NAP1L4: variants seen among roughly 807,000 people sequenced by gnomAD.
The protein encoded by NAP1L4 is nucleosome assembly protein 1-like 4.
In NAP1L4, 15 loss-of-function variants were observed where a neutral mutation model predicts 58.2. That is an observed-to-expected ratio of 0.26 (90% confidence interval 0.17 to 0.40). The LOEUF (loss-of-function observed/expected upper bound fraction) is 0.40, where lower values mean the gene tolerates loss of function less well. Among genes scored for constraint, NAP1L4 ranks in the 10% least tolerant of loss-of-function variants. The pLI is 1.00. For synonymous variants in NAP1L4, 171 were observed against 155.6 expected (o/e 1.10, Z -0.74); for missense variants, 384 against 451.1 (o/e 0.85, Z 1.35).
At chr11:2,985,814 T>C (rs746600547) in intron 1 of NAP1L4, among the ~76,000 whole-genome samples, 1 of 152,228 alleles carries the variant, frequency 6.6e-6, no homozygotes, top group Non-Finnish European at 1.5e-5. Flanking sequence ...ACTTTAACTG[T>C]GTCTACAATT....
chr11:2,963,522 C>T (rs1333219318), intron 8 of NAP1L4, among the ~76,000 whole-genome samples: 1 of 152,196 alleles, frequency 6.6e-6, no homozygotes, highest in Non-Finnish European at 1.5e-5. Flanking sequence ...ATGTCACCTT[C>T]CATAGTGGAA....
chr11:2,969,194 C>T (rs1847483177), intron 7 of NAP1L4, among the ~76,000 whole-genome samples: 1 of 151,942 alleles, frequency 6.6e-6, no homozygotes, highest in Non-Finnish European at 1.5e-5. Context: ...TTTCGCGATG[C>T]TGCCCAGGCT....
At position 2,948,842 on chromosome 11, in the gene NAP1L4, GT is replaced by G. The variant is rs1204647065; in HGVS notation, c.*32+384del. Among the ~76,000 whole-genome samples the G allele has an allele frequency of 1.3e-5, 2 of 152,232 alleles. No homozygotes were observed. Among genetic ancestry groups the G allele is most frequent in the Non-Finnish European group, 2.9e-5 (2 of 68,044 alleles). ...GGGCCAATTTCAACTGCCAGTGTGT[GT>G]TCTGAGCACAGCTGGGACAGCCCAG... On this transcript the variant is annotated intron_variant, in intron 15 of 15. Coordinates refer to ENST00000380542, the MANE Select transcript of NAP1L4 (RefSeq NM_005969.4). This position sits in a 1 kb window ranked among gnomAD's most constrained non-coding sequence, Gnocchi z 5.1.
rs1261044617 is a variant in NAP1L4, at chr11:2,972,120, G to A, written c.297C>T (p.Tyr99=). The A allele has an allele frequency of 1.3e-6, 2 of 1,587,910 alleles. No homozygotes were observed. Among genetic ancestry groups the A allele is most frequent in the Non-Finnish European group, 1.7e-6 (2 of 1,172,122 alleles). The part of the protein sequence containing the change: ...HDLERKYAAL[Y]QPLFDKRREF... ...TCCCTACCTTGTCAAAGAGAGGCTG[G>A]TATAGCGCTGCATACTTTCTTTCCA... The change falls in exon 5 of 16, where the codon TAC becomes TAT. Residue 99 remains tyrosine (Y), a synonymous_variant. Coordinates refer to ENST00000380542, the MANE Select transcript of NAP1L4 (RefSeq NM_005969.4).
In NAP1L4 at chr11:2,949,297, A is replaced by G. The variant is rs369935469; in HGVS notation, c.1123-33T>C. 6.4e-6 allele frequency: 10 copies of G among 1,552,668 alleles called. No homozygotes were observed. The highest frequency in any genetic ancestry group is 1.7e-5 in the Admixed American group (1 of 59,828). On this transcript the variant is annotated intron_variant, in intron 14 of 15. Transcript: ENST00000380542. The surrounding 1 kb of genome is among the most constrained non-coding windows in gnomAD (Gnocchi z 4.0). ...GGGAAAAAAATTGAAAGGAACTGTC[A>G]GCATGAAAGAAAATGAAATGCACAA...
At chr11:2,963,938 T>A in intron 8 of NAP1L4, 1 of 518,122 alleles carries the variant, frequency 1.9e-6, no homozygotes, top group Non-Finnish European at 3.9e-6. Context: ...CAAGGCCATT[T>A]GAAGATGAGC....
At chr11:2,979,687 A>G (rs1848188092) in intron 1 of NAP1L4, among the ~76,000 whole-genome samples, 1 of 151,962 alleles carries the variant, frequency 6.6e-6, no homozygotes, top group East Asian at 1.9e-4. Flanking sequence ...CAGAAGAATC[A>G]CTTGAACCCA....
rs572593335 is a variant in NAP1L4, at chr11:2,954,437, A to C, written c.1035+90T>G. On this transcript the variant is annotated intron_variant, in intron 12 of 15. Transcript: ENST00000380542. The surrounding 1 kb of genome is among the most constrained non-coding windows in gnomAD (Gnocchi z 4.8). ...TGATGATGTAATAAAAAGATTAGGC[A>C]TGGGGGTTTCCTAAGCCACAATTCA... is the stretch of plus-strand genomic sequence containing the variant. 1 of 1,577,682 alleles carries C rather than the reference A, an allele frequency of 6.3e-7. No homozygotes were observed. The highest frequency in any genetic ancestry group is 1.7e-5 in the Admixed American group (1 of 59,748).
chr11:2,958,127 A>T (rs535904886), intron 10 of NAP1L4: 116 of 629,156 alleles, frequency 1.8e-4, no homozygotes, highest in South Asian at 7.6e-4. Context: ...ACAGAACTGC[A>T]AGTTTTTGCC....
chr11:2,975,855 G>C (rs979858170), intron 4 of NAP1L4, among the ~76,000 whole-genome samples, 169 bp downstream of exon 4: 3 of 152,158 alleles, frequency 2.0e-5, no homozygotes, highest in Non-Finnish European at 4.4e-5. Context: ...TCTCAGCCTA[G>C]GCACCGGGTA....
chr11:2,990,091 G>A (rs1315163612), intron 1 of NAP1L4: 4 of 151,938 alleles, frequency 2.6e-5, no homozygotes, highest in African/African-American at 7.2e-5. Context: ...AAACAGTACC[G>A]GATTTAAAGC....
At chr11:2,980,514 C>T (rs576321247) in intron 1 of NAP1L4, among the ~76,000 whole-genome samples, 2 of 152,278 alleles carry the variant, frequency 1.3e-5, no homozygotes, top group African/African-American at 4.8e-5. Flanking sequence ...AATCTAAATG[C>T]ATTTAAAGTA....
Position 2,949,228 on chromosome 11 carries a change from T to G in NAP1L4, c.*31A>C, listed in dbSNP as rs774931509. 1.3e-6 allele frequency: 2 copies of G among 1,592,064 alleles called. No individual in the cohort carries two copies. The highest frequency in any genetic ancestry group is 1.7e-6 in the Non-Finnish European group (2 of 1,160,074). ...GGTATGAATGGAATTCCACCTTACC[T>G]AGAAACGTATGAATGATTAACAGAC... On this transcript the variant is annotated splice_region_variant and 3_prime_UTR_variant, in exon 15 of 16. Coordinates refer to ENST00000380542, the MANE Select transcript of NAP1L4 (RefSeq NM_005969.4). This position sits in a 1 kb window ranked among gnomAD's most constrained non-coding sequence, Gnocchi z 4.0.
At chr11:2,970,976 G>A (rs1204969266) in intron 6 of NAP1L4, among the ~76,000 whole-genome samples, 1 of 152,120 alleles carries the variant, frequency 6.6e-6, no homozygotes, top group Non-Finnish European at 1.5e-5. Flanking sequence ...ACTGGAATGG[G>A]ACCAGTCACT....
At chr11:2,992,043 G>T (rs1363803142) in intron 1 of NAP1L4, 1 of 152,084 alleles carries the variant, frequency 6.6e-6, no homozygotes, top group Non-Finnish European at 1.5e-5. Context: ...AGCGCCCCAG[G>T]CCCGGGCTCC....
chr11:2,951,122 T>G lies in NAP1L4; in HGVS notation c.1122+137A>C, dbSNP rs950281776. 2.8e-6 allele frequency: 2 copies of G among 718,944 alleles called. No individual in the cohort carries two copies. The highest frequency in any genetic ancestry group is 4.9e-6 in the Non-Finnish European group (2 of 410,436). 44.5% of individuals were successfully genotyped at this position (718,944 alleles called of 1,614,324 possible). A position where few individuals can be genotyped will look rare whatever the true frequency, so the allele number is the denominator to read the frequency against. On this transcript the variant is annotated intron_variant, in intron 14 of 15. Coordinates refer to ENST00000380542, the MANE Select transcript of NAP1L4 (RefSeq NM_005969.4). This position sits in a 1 kb window ranked among gnomAD's most constrained non-coding sequence, Gnocchi z 4.0. The stretch of plus-strand genomic sequence containing the variant: ...AGTGTCTGAATAATCATTCCACTAT[T>G]TTTCTGACACATTTTAAACTTTCTA...
Position 2,955,103 on chromosome 11 carries a change from T to C in NAP1L4, c.916-457A>G, listed in dbSNP as rs1415284560. ...ACAGGGTCTTATTCTATCACCCAGG[T>C]TGGAGGGCAGTGGTGCAATCACAGC... On this transcript the variant is annotated intron_variant, in intron 11 of 15. Transcript: ENST00000380542. The surrounding 1 kb of genome is among the most constrained non-coding windows in gnomAD (Gnocchi z 4.2). Among the ~76,000 whole-genome samples the C allele has an allele frequency of 6.6e-6, 1 of 152,122 alleles. No individual in the cohort carries two copies. Among genetic ancestry groups the C allele is most frequent in the Non-Finnish European group, 1.5e-5 (1 of 68,026 alleles).
chr11:2,975,472 C>A (rs748353023), intron 4 of NAP1L4, among the ~76,000 whole-genome samples: 9 of 151,990 alleles, frequency 5.9e-5, no homozygotes, highest in African/African-American at 2.2e-4. Context: ...GTAGCTCACC[C>A]GTTATCCCAG....
intron 7 of NAP1L4, among the ~76,000 whole-genome samples, chr11:2,968,988 GTTTTTT>G (rs61176259): frequency 1.8e-5 from 2 of 113,582 alleles, no homozygotes; most frequent in Non-Finnish European, 3.7e-5. Flanking sequence ...TTGTTGTGTT[GTTTTTT>G]TTTTTTTTTT....
Sources: gnomAD v4.1 joint callset for allele counts (sites outside exome capture counted in the v4.1 genomes callset) on GRCh38, gnomAD v4.1.1 for gene constraint, Gnocchi (gnomAD v3.1) non-coding constraint, MANE v1.5 for transcripts, NCBI Gene and HGNC (gene_info 2026-07-23, HGNC 2026-07-21) for gene names.